Variants in LRRC4C observed in about 807,000 individuals in gnomAD.
LRRC4C encodes leucine-rich repeat-containing protein 4C.
A neutral mutation model predicts 33.6 loss-of-function variants in LRRC4C; 5 were observed. The observed-to-expected ratio is 0.15, with a 90% CI of 0.08 to 0.31. The LOEUF (loss-of-function observed/expected upper bound fraction) is 0.31. Among genes scored for constraint, LRRC4C ranks in the 10% least tolerant of loss-of-function variants. LRRC4C has a pLI of 1.00. For synonymous variants in LRRC4C, 329 were observed against 302.0 expected (o/e 1.09, Z -0.93); for missense variants, 560 against 796.7 (o/e 0.70, Z 3.58).
intron 1 of LRRC4C, among the ~76,000 whole-genome samples, chr11:41,386,417 C>T (rs1164059653): frequency 4.6e-5 from 7 of 151,562 alleles, no homozygotes; most frequent in South Asian, 2.1e-4. Flanking sequence ...TGTCAAGAAC[C>T]GTAACCATGG....
At chr11:41,036,947 T>C (rs901548360) in intron 1 of LRRC4C, among the ~76,000 whole-genome samples, 1 of 152,160 alleles carries the variant, frequency 6.6e-6, no homozygotes, top group Admixed American at 6.5e-5. Context: ...TTTTACAATT[T>C]ATAGACTTAT....
At chr11:40,932,956 T>A (rs1044402255) in intron 2 of LRRC4C, among the ~76,000 whole-genome samples, 1 of 152,130 alleles carries the variant, frequency 6.6e-6, no homozygotes, top group East Asian at 1.9e-4. Flanking sequence ...GAAGGGTACA[T>A]CCAATAATCA....
At chr11:40,128,015 GC>G (rs1184845119) in intron 6 of LRRC4C, among the ~76,000 whole-genome samples, 133 of 152,182 alleles carry the variant, frequency 8.7e-4, no homozygotes, top group Non-Finnish European at 1.9e-4. Flanking sequence ...CAAAAAGAAT[GC>G]CCAATCTACA....
intron 1 of LRRC4C, among the ~76,000 whole-genome samples, chr11:41,290,916 G>T (rs1208456461): frequency 6.6e-6 from 1 of 152,120 alleles, no homozygotes; most frequent in African/African-American, 2.4e-5. Flanking sequence ...AATTATTTCT[G>T]CTATCTTAAG....
intron 2 of LRRC4C, among the ~76,000 whole-genome samples, chr11:40,813,452 T>C (rs1420949022): frequency 6.6e-6 from 1 of 152,094 alleles, no homozygotes; most frequent in Non-Finnish European, 1.5e-5. Flanking sequence ...TGGGGAAAAC[T>C]GCCCCATGAT....
chr11:41,035,202 T>C (rs1335225270), intron 1 of LRRC4C, among the ~76,000 whole-genome samples: 2 of 150,398 alleles, frequency 1.3e-5, no homozygotes, highest in African/African-American at 4.9e-5. Flanking sequence ...TATAAATAAA[T>C]ACATAAATAA....
At chr11:41,189,619 T>G (rs778456714) in intron 1 of LRRC4C, among the ~76,000 whole-genome samples, 30 of 152,092 alleles carry the variant, frequency 2.0e-4, no homozygotes, top group African/African-American at 7.0e-4. Flanking sequence ...AAGGAAAGGT[T>G]TACTCAGAGG....
Position 40,189,660 on chromosome 11 carries a change from A to C in LRRC4C, c.-95-48807T>G, listed in dbSNP as rs139113782. On this transcript the variant is annotated intron_variant, in intron 5 of 6. Coordinates refer to ENST00000528697, the MANE Select transcript of LRRC4C (RefSeq NM_001258419.2). ...CTAAAAGATCAAACCATAACATAAA[A>C]AGAGATGATGAATGTAGTACTTAAG... Among the ~76,000 whole-genome samples the C allele has an allele frequency of 1.3e-3, 195 of 152,336 alleles. 1 individual carries two copies. Among genetic ancestry groups the C allele is most frequent in the African/African-American group, 4.6e-3 (190 of 41,578 alleles).
intron 1 of LRRC4C, among the ~76,000 whole-genome samples, chr11:41,008,348 C>T (rs1279747194): frequency 6.6e-6 from 1 of 152,130 alleles, no homozygotes; most frequent in Non-Finnish European, 1.5e-5. Flanking sequence ...TTATCTGTCC[C>T]CCGTCTCTCT....
intron 4 of LRRC4C, among the ~76,000 whole-genome samples, chr11:40,246,369 T>G (rs1367423290): frequency 6.6e-6 from 1 of 152,170 alleles, no homozygotes; most frequent in Non-Finnish European, 1.5e-5. Context: ...ATACTCAACG[T>G]TATTTTGTTT....
At chr11:41,182,402 C>G (rs1945492026) in intron 1 of LRRC4C, among the ~76,000 whole-genome samples, 3 of 152,132 alleles carry the variant, frequency 2.0e-5, no homozygotes, top group African/African-American at 7.2e-5. Flanking sequence ...CAATTTATCT[C>G]TACTGTATAC....
intron 1 of LRRC4C, among the ~76,000 whole-genome samples, chr11:41,117,131 C>G (rs1942175194): frequency 1.3e-5 from 2 of 152,122 alleles, no homozygotes; most frequent in African/African-American, 4.8e-5. Context: ...GTTACTTTAG[C>G]TGAAAACAAG....
At chr11:40,590,249 C>G (rs1591202976) in intron 3 of LRRC4C, among the ~76,000 whole-genome samples, 1 of 151,874 alleles carries the variant, frequency 6.6e-6, no homozygotes. Context: ...TGCTGATACC[C>G]TTTCTTCCAG....
intron 2 of LRRC4C, among the ~76,000 whole-genome samples, chr11:40,804,240 C>T (rs1362342900): frequency 3.3e-5 from 5 of 152,130 alleles, no homozygotes; most frequent in Admixed American, 6.6e-5. Flanking sequence ...CTCATAGGCT[C>T]CATTTGCTTA....
chr11:40,638,708 A>C (rs56411079), intron 3 of LRRC4C, among the ~76,000 whole-genome samples: 6,663 of 152,106 alleles, frequency 0.044, 255 homozygotes, highest in African/African-American at 0.097. Context: ...ACATGTGTCA[A>C]CATCCAGCTC....
chr11:40,186,374 G>A (rs58344256), intron 5 of LRRC4C, among the ~76,000 whole-genome samples: 3 of 152,130 alleles, frequency 2.0e-5, no homozygotes, highest in Admixed American at 2.0e-4. Context: ...GAAGAAGACC[G>A]AGACAGATAC....
At chr11:40,591,495 G>A (rs1459656238) in intron 3 of LRRC4C, among the ~76,000 whole-genome samples, 1 of 152,126 alleles carries the variant, frequency 6.6e-6, no homozygotes, top group Non-Finnish European at 1.5e-5. Context: ...GGCCATCTTG[G>A]CTCCTCTGAA....
chr11:40,406,711 T>C (rs575875113), intron 3 of LRRC4C, among the ~76,000 whole-genome samples: 1 of 152,294 alleles, frequency 6.6e-6, no homozygotes, highest in East Asian at 1.9e-4. Context: ...CAATTTTTTT[T>C]CTAAAATATG....
At chr11:40,861,165 AC>A (rs1393099602) in intron 2 of LRRC4C, among the ~76,000 whole-genome samples, 4 of 152,142 alleles carry the variant, frequency 2.6e-5, no homozygotes, top group Non-Finnish European at 1.5e-5. Context: ...TGTAAAGAAT[AC>A]CCTCAAAATA....
Sources: allele counts gnomAD v4.1 joint callset (sites outside exome capture counted in the v4.1 genomes callset), GRCh38; gene constraint gnomAD v4.1.1; transcripts MANE v1.5; gene names NCBI Gene and HGNC (gene_info 2026-07-23, HGNC 2026-07-21).